Variants in PRKG1 observed in about 807,000 individuals in gnomAD.
PRKG1 encodes cGMP-dependent protein kinase 1.
A neutral mutation model predicts 88.1 loss-of-function variants in PRKG1; 35 were observed. That is an observed-to-expected ratio of 0.40 (90% CI 0.30 to 0.53). The LOEUF is 0.53. Among genes scored for constraint, PRKG1 ranks in the 20% least tolerant of loss-of-function variants. The pLI is 0.59. For synonymous variants in PRKG1, 303 were observed against 292.5 expected (o/e 1.04, Z -0.37); for missense variants, 540 against 839.8 (o/e 0.64, Z 4.41).
chr10:51,078,703 G>C (rs527890737), intron 1 of PRKG1, among the ~76,000 whole-genome samples: 1 of 151,630 alleles, frequency 6.6e-6, no homozygotes, highest in Non-Finnish European at 1.5e-5. Context: ...TGCAAGCTCT[G>C]CCTCCCGGGT....
intron 5 of PRKG1, among the ~76,000 whole-genome samples, chr10:52,023,947 T>C (rs1371803653): frequency 1.3e-5 from 2 of 152,240 alleles, no homozygotes; most frequent in Non-Finnish European, 2.9e-5. Context: ...TTAGCTTTTG[T>C]TGTCATTGCT....
chr10:51,561,373 A>T (rs1589082036), intron 3 of PRKG1, among the ~76,000 whole-genome samples: 1 of 152,024 alleles, frequency 6.6e-6, no homozygotes, highest in African/African-American at 2.4e-5. Flanking sequence ...TTTTCAACAG[A>T]AAGCTATCTT....
intron 8 of PRKG1, among the ~76,000 whole-genome samples, chr10:52,147,725 C>A (rs1432922270): frequency 6.6e-6 from 1 of 152,126 alleles, no homozygotes; most frequent in African/African-American, 2.4e-5. Flanking sequence ...AAAAGAGGAA[C>A]AAATTCAAGA....
intron 4 of PRKG1, among the ~76,000 whole-genome samples, chr10:51,835,385 G>A (rs544550297): frequency 2.0e-5 from 3 of 152,246 alleles, no homozygotes; most frequent in African/African-American, 7.2e-5. Flanking sequence ...GACAGATGCT[G>A]GCCATTTAAA....
At chr10:51,877,453 G>A (rs970929340) in intron 4 of PRKG1, among the ~76,000 whole-genome samples, 1 of 152,034 alleles carries the variant, frequency 6.6e-6, no homozygotes, top group Non-Finnish European at 1.5e-5. Flanking sequence ...GTGCAAACAG[G>A]TACAATTTGT....
chr10:52,164,955 T>G (rs533697473), intron 9 of PRKG1, among the ~76,000 whole-genome samples: 22 of 152,302 alleles, frequency 1.4e-4, no homozygotes, highest in East Asian at 1.2e-3. Flanking sequence ...TGTACAGTTT[T>G]GTTTGAATTT....
intron 2 of PRKG1, among the ~76,000 whole-genome samples, chr10:51,191,896 TTA>T (rs1489663952): frequency 6.6e-6 from 1 of 151,748 alleles, no homozygotes; most frequent in Non-Finnish European, 1.5e-5. Context: ...TGGATCTACT[TTA>T]ATACAAAATG....
At chr10:51,793,138 C>CAAAAAAAAAAAA (rs775904836) in intron 3 of PRKG1, among the ~76,000 whole-genome samples, 2 of 69,754 alleles carry the variant, frequency 2.9e-5, no homozygotes, top group African/African-American at 6.0e-5. Flanking sequence ...CAGCACACTG[C>CAAAAAAAAAAAA]AAAAAAAAAA....
chr10:52,218,302 C>T (rs545134262), intron 9 of PRKG1, among the ~76,000 whole-genome samples: 2 of 151,200 alleles, frequency 1.3e-5, no homozygotes, highest in Non-Finnish European at 1.5e-5. Context: ...GTCTTAACAG[C>T]TGACATCCAT....
At chr10:51,753,031 T>C (rs533779469) in intron 3 of PRKG1, among the ~76,000 whole-genome samples, 14 of 152,270 alleles carry the variant, frequency 9.2e-5, no homozygotes, top group African/African-American at 3.4e-4. Flanking sequence ...ATGTGTCTGT[T>C]ACTTGAGTAA....
intron 2 of PRKG1, among the ~76,000 whole-genome samples, chr10:51,411,545 A>G (rs1354271100): frequency 6.6e-6 from 1 of 152,156 alleles, no homozygotes; most frequent in Non-Finnish European, 1.5e-5. Flanking sequence ...GACGAGGTGG[A>G]GAGTAACATG....
intron 2 of PRKG1, among the ~76,000 whole-genome samples, chr10:51,398,754 G>C (rs541446211): frequency 3.9e-5 from 6 of 152,178 alleles, no homozygotes; most frequent in African/African-American, 1.4e-4. Context: ...ACTGCTTTAC[G>C]CACCAGTGTG....
chr10:51,012,818 G>C (rs1366571472), intron 1 of PRKG1, among the ~76,000 whole-genome samples: 2 of 152,360 alleles, frequency 1.3e-5, no homozygotes, highest in East Asian at 3.9e-4. Context: ...AAATAAAAGG[G>C]AGAGGGAAGA....
At chr10:51,548,046 C>A (rs1226007917) in intron 3 of PRKG1, among the ~76,000 whole-genome samples, 3 of 151,940 alleles carry the variant, frequency 2.0e-5, no homozygotes, top group Non-Finnish European at 2.9e-5. Flanking sequence ...TTTGCCTTTC[C>A]TGATAACCTG....
intron 5 of PRKG1, among the ~76,000 whole-genome samples, chr10:51,941,083 T>C (rs1720309668): frequency 1.3e-5 from 2 of 152,090 alleles, no homozygotes; most frequent in East Asian, 1.9e-4. Flanking sequence ...CATTGTAAGA[T>C]ACATCCTAAT....
intron 10 of PRKG1, among the ~76,000 whole-genome samples, chr10:52,260,728 T>TAACTTA (rs35354179): frequency 9.6e-4 from 3 of 3,130 alleles, no homozygotes; most frequent in Non-Finnish European, 9.0e-3. Context: ...GTGAAAAAAA[T>TAACTTA]AAAGTGTATT....
rs1840015752 is a variant in PRKG1 at position 52,212,859 on chromosome 10, TA to T, written c.1077-38706del. Among the ~76,000 whole-genome samples the T allele has an allele frequency of 2.0e-5, 3 of 152,172 alleles. No homozygotes were observed. The South Asian group carries it at 6.2e-4, about 31-fold the overall frequency. Reference sequence around the variant, plus strand: ...CAAAGGGATTGTAGCTTTTTCCTATTAAAAAGTCAAATTTACCTTCAGTGAA... The same window carrying T: ...CAAAGGGATTGTAGCTTTTTCCTATTAAAAGTCAAATTTACCTTCAGTGAA... On this transcript the variant is annotated intron_variant, in intron 9 of 17. Coordinates refer to ENST00000373980, the MANE Select transcript of PRKG1 (RefSeq NM_006258.4).
intron 1 of PRKG1, among the ~76,000 whole-genome samples, chr10:51,126,367 T>C (rs1231922517): frequency 7.4e-6 from 1 of 135,468 alleles, no homozygotes; most frequent in Non-Finnish European, 1.5e-5. Context: ...TATTATTTTA[T>C]ATTTTATAGT....
At chr10:51,872,348 A>G (rs1339577533) in intron 4 of PRKG1, among the ~76,000 whole-genome samples, 1 of 152,196 alleles carries the variant, frequency 6.6e-6, no homozygotes, top group African/African-American at 2.4e-5. Context: ...GAGACAACTT[A>G]TGTAAAGTGC....
Sources: gnomAD v4.1 joint callset for allele counts (sites outside exome capture counted in the v4.1 genomes callset) on GRCh38, gnomAD v4.1.1 for gene constraint, MANE v1.5 for transcripts, NCBI Gene and HGNC (gene_info 2026-07-23, HGNC 2026-07-21) for gene names.